KRTAP6-2: variants seen among roughly 807,000 people sequenced by gnomAD.
The protein encoded by KRTAP6-2 is keratin associated protein 6-2, also known as keratin-associated protein 6-2.
A neutral mutation model predicts 0.4 loss-of-function variants in KRTAP6-2; 1 was observed. That is an observed-to-expected ratio of 2.37 (90% CI 0.84 to 11.25). KRTAP6-2 has a LOEUF of 11.25. Ranked by LOEUF, KRTAP6-2 falls within the 30% of genes most tolerant of loss-of-function variation. KRTAP6-2 has a pLI of 0.12. For synonymous variants in KRTAP6-2, 39 were observed against 34.2 expected, an observed-to-expected ratio of 1.14 and a Z score of -0.49; for missense variants, 87 against 82.0, an observed-to-expected ratio of 1.06 and a Z score of -0.23.
rs578174949 is a variant in KRTAP6-2, at chr21:30,598,754, C to CATAGCCACAGCAGGAGCT, written c.103_120dup (p.Ser35_Tyr40dup). ...AAGAAGCGGGAGCCGTAGCCATGAC[C>CATAGCCACAGCAGGAGCT]ATAGCCACAGCAGGAGCTATAGCCA... is the stretch of plus-strand genomic sequence containing the variant. On this transcript the variant is annotated inframe_insertion, in exon 1 of 1. Coordinates refer to ENST00000334897, the Ensembl canonical transcript of KRTAP6-2. 1.4e-5 allele frequency: 23 copies of CATAGCCACAGCAGGAGCT among 1,607,130 alleles called. No individual in the cohort carries two copies. In the South Asian group the frequency reaches 1.6e-4, roughly 12 times the overall value.
exon 1 of KRTAP6-2, chr21:30,598,671 T>C: frequency 6.2e-7 from 1 of 1,605,612 alleles, no homozygotes; most frequent in Non-Finnish European, 8.5e-7. Flanking sequence ...AGAGGATGAG[T>C]CTCCCACGGT....
rs200744999 is a variant in KRTAP6-2, at chr21:30,598,852, T to A, written c.23A>T (p.Asn8Ile). 2.6e-5 allele frequency: 42 copies of A among 1,613,890 alleles called. No individual in the cohort carries two copies. The East Asian group carries it at 9.1e-4, about 35-fold the overall frequency. The change falls in exon 1 of 1, where the codon AAC becomes ATC. Residue 8 changes from asparagine (N) to isoleucine (I), a missense_variant. By Grantham distance (149) the Asn-to-Ile change is moderately radical. Coordinates refer to ENST00000334897, the Ensembl canonical transcript of KRTAP6-2. ...CCCATAGCCATGGTCGCCGTAGTAGTTTCCGTAGTAGCTGCCGCACATCGT... is the reference window on the plus strand; with the variant it reads ...CCCATAGCCATGGTCGCCGTAGTAGATTCCGTAGTAGCTGCCGCACATCGT...
chr21:30,598,833 G>C, exon 1 of KRTAP6-2: 1 of 1,614,014 alleles, frequency 6.2e-7, no homozygotes, highest in East Asian at 2.2e-5. Context: ...AGCACCCATA[G>C]CCATGGTCGC....
chr21:30,598,845 G>T, the KRTAP6-2 span: 1 of 1,613,978 alleles, frequency 6.2e-7, no homozygotes, highest in East Asian at 2.2e-5. Context: ...CATGGTCGCC[G>T]TAGTAGTTTC....
exon 1 of KRTAP6-2, chr21:30,598,620 C>T (rs1430776101): frequency 6.5e-7 from 1 of 1,541,510 alleles, no homozygotes; most frequent in Non-Finnish European, 8.8e-7. Context: ...GAGCTCAGAG[C>T]ATACGGGGTT....
exon 1 of KRTAP6-2, chr21:30,598,621 A>C (rs1346519147): frequency 1.3e-6 from 2 of 1,546,558 alleles, no homozygotes; most frequent in Non-Finnish European, 1.8e-6. Flanking sequence ...AGCTCAGAGC[A>C]TACGGGGTTC....
exon 1 of KRTAP6-2, chr21:30,598,806 T>G: frequency 1.9e-6 from 3 of 1,613,554 alleles, no homozygotes; most frequent in Non-Finnish European, 2.5e-6. Flanking sequence ...AGCCATAGCC[T>G]AGGCCTTCGT....
At chr21:30,598,610 G>A (rs1292630552) in exon 1 of KRTAP6-2, 10 of 1,483,008 alleles carry the variant, frequency 6.7e-6, no homozygotes, top group Admixed American at 2.2e-5. Flanking sequence ...ATCCAGCCCC[G>A]AGCTCAGAGC....
At chr21:30,598,887 G>A (rs867192923) in exon 1 of KRTAP6-2, 2 of 1,611,936 alleles carry the variant, frequency 1.2e-6, no homozygotes, top group Admixed American at 1.7e-5. Flanking sequence ...TGATGGTTGT[G>A]GAGGTTGTCC....
At chr21:30,598,776 G>A (rs1980250504) in exon 1 of KRTAP6-2, 1 of 1,609,416 alleles carries the variant, frequency 6.2e-7, no homozygotes, top group Non-Finnish European at 8.5e-7. Flanking sequence ...AGGAGCTATA[G>A]CCACAGCGCA....
At chr21:30,598,754 CATAGCCACAGCAGGAGCT>C in exon 1 of KRTAP6-2, 1 of 1,607,130 alleles carries the variant, frequency 6.2e-7, no homozygotes, top group Non-Finnish European at 8.5e-7. Context: ...TAGCCATGAC[CATAGCCACAGCAGGAGCT>C]ATAGCCACAG....
exon 1 of KRTAP6-2, chr21:30,598,795 T>C (rs1980251882): frequency 6.2e-7 from 1 of 1,613,134 alleles, no homozygotes; most frequent in Non-Finnish European, 8.5e-7. Flanking sequence ...CAGGCTTCCA[T>C]AGCCATAGCC....
rs201843876 is a variant in KRTAP6-2 at position 30,598,650 on chromosome 21, T to C, written c.*36A>G. 4.0e-4 allele frequency: 632 copies of C among 1,584,106 alleles called. 2 individuals carry two copies. Among genetic ancestry groups the C allele is most frequent in the Non-Finnish European group, 2.5e-4 (289 of 1,160,508 alleles). The stretch of plus-strand genomic sequence containing the variant: ...GGGGTTCAGAATTGGTGAATCCCGA[T>C]GTCACAGGATAGAGGATGAGTCTCC... On this transcript the variant is annotated 3_prime_UTR_variant, in exon 1 of 1. Transcript: ENST00000334897.
In KRTAP6-2 at chr21:30,598,861, T is replaced by C. The variant is rs142361932; in HGVS notation, c.14A>G (p.Tyr5Cys). The stretch of plus-strand genomic sequence containing the variant: ...ATGGTCGCCGTAGTAGTTTCCGTAG[T>C]AGCTGCCGCACATCGTGATGGTTGT... The change falls in exon 1 of 1, where the codon TAC (tyrosine) becomes TGC (cysteine). Residue 5 changes from tyrosine to cysteine, a missense_variant. Physicochemically the swap from Tyr to Cys is radical, Grantham distance 194. Transcript: ENST00000334897. 32 of 1,613,820 alleles carry C rather than the reference T, an allele frequency of 2.0e-5. No homozygotes were observed. In the African/African-American group the frequency reaches 3.1e-4, roughly 15 times the overall value.
At chr21:30,598,688 A>C in exon 1 of KRTAP6-2, 1 of 1,613,128 alleles carries the variant, frequency 6.2e-7, no homozygotes. Flanking sequence ...CGGTGTCCTC[A>C]ATAGTAGTAG....
At chr21:30,598,629 T>G in exon 1 of KRTAP6-2, 1 of 1,557,364 alleles carries the variant, frequency 6.4e-7, no homozygotes, top group East Asian at 2.3e-5. Flanking sequence ...GCATACGGGG[T>G]TCAGAATTGG....
At chr21:30,598,705 C>T in exon 1 of KRTAP6-2, 2 of 1,613,288 alleles carry the variant, frequency 1.2e-6, no homozygotes, top group Non-Finnish European at 1.7e-6. Context: ...GTAGCCAGAG[C>T]CGCATCCATA....
At chr21:30,598,720 C>G (rs1186484653) in exon 1 of KRTAP6-2, 1 of 1,611,566 alleles carries the variant, frequency 6.2e-7, no homozygotes. Context: ...TCCATAGCCA[C>G]AGCCACAGAA....
exon 1 of KRTAP6-2, chr21:30,598,785 C>T (rs111823322): frequency 3.1e-4 from 507 of 1,610,894 alleles, no homozygotes; most frequent in Non-Finnish European, 4.1e-4. Context: ...AGCCACAGCG[C>T]AGGCTTCCAT....
Sources: allele counts gnomAD v4.1 joint callset, GRCh38; gene constraint gnomAD v4.1.1; transcripts MANE v1.5; gene names NCBI Gene and HGNC (gene_info 2026-07-23, HGNC 2026-07-21).